Variants in KIF5B observed in about 807,000 individuals in gnomAD.
KIF5B encodes kinesin-1 heavy chain.
Under a neutral mutation model 132.8 loss-of-function variants are expected in KIF5B, and 49 were observed. The observed-to-expected ratio is 0.37, with a 90% CI of 0.29 to 0.47. The LOEUF (loss-of-function observed/expected upper bound fraction) is 0.47. Ranked by LOEUF, KIF5B falls within the 20% of genes least tolerant of loss-of-function variation. KIF5B has a pLI of 1.00. For synonymous variants in KIF5B, 355 were observed against 369.4 expected (o/e 0.96, Z 0.45); for missense variants, 780 against 1,144.0 (o/e 0.68, Z 4.59).
chr10:32,015,955 GCAATAAGGCAAAACCCTGTCTCTAC>G (rs1475465035), intron 24 of KIF5B, among the ~76,000 whole-genome samples: 51 of 152,006 alleles, frequency 3.4e-4, no homozygotes, highest in African/African-American at 1.2e-3. Context: ...ACCAGACTAG[GCAATAAGGCAAAACCCTGTCTCTAC>G]AGAATATAAA....
intron 2 of KIF5B, among the ~76,000 whole-genome samples, chr10:32,048,095 C>T (rs1200097133): frequency 1.3e-5 from 2 of 152,152 alleles, no homozygotes; most frequent in African/African-American, 4.8e-5. Context: ...GATAGACTGC[C>T]ATTTTCCACT....
At position 32,039,437 on chromosome 10, in the gene KIF5B, C is replaced by CA. The variant is rs779812371; in HGVS notation, c.289-7dup. On this transcript the variant is annotated splice_polypyrimidine_tract_variant and splice_region_variant and intron_variant, in intron 3 of 25. Transcript: ENST00000302418. The stretch of plus-strand genomic sequence containing the variant: ...TCTGGATCATGAAGTTTACCCTAAA[C>CA]AAAAAACAAAACTAGACTTCTTAAA... The CA allele has an allele frequency of 1.6e-6, 2 of 1,224,210 alleles. No individual in the cohort carries two copies. Among genetic ancestry groups the CA allele is most frequent in the Admixed American group, 2.3e-5 (1 of 42,674 alleles). 75.8% of individuals were successfully genotyped at this position (1,224,210 alleles called of 1,614,324 possible).
Position 32,009,343 on chromosome 10 carries a change from T to C in KIF5B, c.*2194A>G, listed in dbSNP as rs571168685. ...TGCCATTCAGAGGAACGTTAATATA[T>C]CCAGTCAAAAAGACACTGCAAATTG... On this transcript the variant is annotated 3_prime_UTR_variant, in exon 26 of 26. Coordinates refer to ENST00000302418, the MANE Select transcript of KIF5B (RefSeq NM_004521.3). 2 of 152,326 alleles carry C rather than the reference T, an allele frequency of 1.3e-5. No homozygotes were observed. Among genetic ancestry groups the C allele is most frequent in the South Asian group, 2.1e-4 (1 of 4,826 alleles). 9.4% of individuals were successfully genotyped at this position (152,326 alleles called of 1,614,324 possible). A position where few individuals can be genotyped will look rare whatever the true frequency, so the allele number is the denominator to read the frequency against.
chr10:32,032,804 T>C, intron 12 of KIF5B, 30 bp from the exon 13 acceptor site: 2 of 1,554,372 alleles, frequency 1.3e-6, no homozygotes, highest in Non-Finnish European at 1.8e-6. Flanking sequence ...GGTTAACCAG[T>C]AGCTAACAAC....
intron 20 of KIF5B, among the ~76,000 whole-genome samples, chr10:32,018,885 G>A (rs112653348): frequency 0.012 from 1,879 of 152,114 alleles, 38 homozygotes; most frequent in African/African-American, 0.043. Context: ...TTGTAGAGAC[G>A]GGGTCTCACT....
At chr10:32,043,348 G>A (rs572245540) in intron 2 of KIF5B, among the ~76,000 whole-genome samples, 10 of 152,248 alleles carry the variant, frequency 6.6e-5, no homozygotes, top group South Asian at 6.2e-4. Context: ...AGAAAACTGA[G>A]ACACAGAGAG....
chr10:32,034,345 C>G (rs1309299908), intron 11 of KIF5B, among the ~76,000 whole-genome samples: 1 of 152,078 alleles, frequency 6.6e-6, no homozygotes, highest in Non-Finnish European at 1.5e-5. Flanking sequence ...CTCCTGACCT[C>G]AAGTGATCTG....
At chr10:32,044,362 A>C in intron 2 of KIF5B, among the ~76,000 whole-genome samples, 1 of 152,236 alleles carries the variant, frequency 6.6e-6, no homozygotes, top group East Asian at 1.9e-4. Flanking sequence ...TTGAATTAAT[A>C]ATGTCCTCTA....
intron 15 of KIF5B, among the ~76,000 whole-genome samples, chr10:32,025,303 C>T: frequency 6.6e-6 from 1 of 152,306 alleles, no homozygotes; most frequent in East Asian, 1.9e-4. Flanking sequence ...TCATAACGTA[C>T]AACCTAGCAC....
intron 2 of KIF5B, among the ~76,000 whole-genome samples, chr10:32,042,728 G>A (rs111960528): frequency 6.6e-6 from 1 of 152,122 alleles, no homozygotes; most frequent in African/African-American, 2.4e-5. Context: ...CTCTGAACAA[G>A]TATTACTTCT....
rs1564463937 is a variant in KIF5B at position 32,022,256 on chromosome 10, T to C, written c.1916A>G (p.His639Arg). The C allele has an allele frequency of 6.5e-7, 1 of 1,549,584 alleles. No homozygotes were observed. The highest frequency in any genetic ancestry group is 1.1e-5 in the South Asian group (1 of 88,410). Reference sequence around the variant, plus strand: ...AGTCAATGACTTGATTTTGGCTTCATGCTTTTGGAAAAAATATACTGATAT... The same window carrying C: ...AGTCAATGACTTGATTTTGGCTTCACGCTTTTGGAAAAAATATACTGATAT... ...LAACQLRISQ[H>R]EAKIKSLTEY... The change falls in exon 17 of 26, where the codon CAT becomes CGT. Residue 639 changes from histidine (H) to arginine (R), a missense_variant and splice_region_variant. His to Arg is a conservative substitution (Grantham distance 29). Around this residue, in one of 9 missense-constraint regions of KIF5B, gnomAD observed 471 missense variants for 569.9 expected, o/e 0.83. Coordinates refer to ENST00000302418, the MANE Select transcript of KIF5B (RefSeq NM_004521.3).
chr10:32,015,738 T>C, intron 24 of KIF5B, 79 bp from the exon 25 acceptor site: 1 of 1,197,982 alleles, frequency 8.3e-7, no homozygotes, highest in Non-Finnish European at 1.2e-6. Context: ...TCTTCTCTTA[T>C]TCACAACAAA....
chr10:32,019,446 G>A (rs1841227934), intron 20 of KIF5B, among the ~76,000 whole-genome samples: 1 of 152,152 alleles, frequency 6.6e-6, no homozygotes, highest in Admixed American at 6.5e-5. Flanking sequence ...GAAAACCTCT[G>A]TTCAAAATGG....
Position 32,034,326 on chromosome 10 carries a change from G to C in KIF5B, c.1112-288C>G, listed in dbSNP as rs187279858. ...GGGGTTTCAACATGTTGGCCAGGCT[G>C]GTCTCTAACTCCTGACCTCAAGTGA... On this transcript the variant is annotated intron_variant, in intron 11 of 25. Coordinates refer to ENST00000302418, the MANE Select transcript of KIF5B (RefSeq NM_004521.3). 1.3e-3 allele frequency among the ~76,000 whole-genome samples: 193 copies of C among 152,104 alleles called. 1 individual carries two copies. The highest frequency in any genetic ancestry group is 3.5e-3 in the Admixed American group (53 of 15,276).
rs530761883 is a variant in KIF5B, at chr10:32,019,344, C to T, written c.2306+514G>A. ...GTTGATTTGCAAATTGTCTCACAAA[C>T]TCAAGGTATGTGAAAAATTATAATC... On this transcript the variant is annotated intron_variant, in intron 20 of 25. Coordinates refer to ENST00000302418, the MANE Select transcript of KIF5B (RefSeq NM_004521.3). 9.2e-5 allele frequency among the ~76,000 whole-genome samples: 14 copies of T among 152,286 alleles called. No individual in the cohort carries two copies. The East Asian group carries it at 2.3e-3, about 25-fold the overall frequency.
At chr10:32,030,377 G>A (rs868502553) in intron 14 of KIF5B, among the ~76,000 whole-genome samples, 7 of 152,046 alleles carry the variant, frequency 4.6e-5, no homozygotes, top group South Asian at 2.1e-4. Context: ...TGAGCCGGGC[G>A]TGGTGGCGGG....
intron 15 of KIF5B, among the ~76,000 whole-genome samples, chr10:32,023,772 G>T (rs1303169308): frequency 6.6e-6 from 1 of 152,152 alleles, no homozygotes; most frequent in Non-Finnish European, 1.5e-5. Flanking sequence ...TTAATGGAGG[G>T]AGGACAGTCT....
chr10:32,011,191 A>G lies in KIF5B; in HGVS notation c.*346T>C, dbSNP rs531860695. 1 of 152,750 alleles carries G rather than the reference A, an allele frequency of 6.5e-6. No homozygotes were observed. Among genetic ancestry groups the G allele is most frequent in the East Asian group, 1.9e-4 (1 of 5,188 alleles). The allele number at this position is 152,750 out of a possible 1,614,324, so 9.5% of individuals were successfully genotyped here. ...TAAAAAATAAACATACACAAAAAAT[A>G]CAAAAAGTACAGTCCTATAAGGTAC... On this transcript the variant is annotated 3_prime_UTR_variant, in exon 26 of 26. Transcript: ENST00000302418.
Position 32,055,797 on chromosome 10 carries a change from A to C in KIF5B, c.126+51T>G. 3 of 1,599,186 alleles carry C rather than the reference A, an allele frequency of 1.9e-6. 1 individual carries two copies. In the East Asian group the frequency reaches 6.7e-5, roughly 36 times the overall value. On this transcript the variant is annotated intron_variant, in intron 1 of 25. Transcript: ENST00000302418. ...CCTGCCACTTCCCTAAACTCCCCGC[A>C]CAGGCCGGCCCGAAGAAGCGGGAGG...
Sources: gnomAD v4.1 joint callset for allele counts (sites outside exome capture counted in the v4.1 genomes callset) on GRCh38, gnomAD v4.1.1 for gene constraint, gnomAD v4.1.1 regional missense constraint, MANE v1.5 for transcripts, NCBI Gene and HGNC (gene_info 2026-07-23, HGNC 2026-07-21) for gene names.